The following KLHL14 variants were observed in gnomAD, a reference collection of about 807,000 sequenced individuals.
The protein encoded by KLHL14 is kelch like family member 14.
Under a neutral mutation model 64.3 loss-of-function variants are expected in KLHL14, and 22 were observed. That is an observed-to-expected ratio of 0.34 (90% confidence interval 0.24 to 0.49). The LOEUF (loss-of-function observed/expected upper bound fraction) is 0.49, where lower values mean the gene tolerates loss of function less well. KLHL14 is among the 20% of genes least tolerant of loss of function. The pLI, the probability that KLHL14 is intolerant of heterozygous loss-of-function variation, is 0.99. For synonymous variants in KLHL14, 322 were observed against 333.4 expected (o/e 0.97, Z 0.37); for missense variants, 661 against 789.0 (o/e 0.84, Z 1.94).
chr18:32,675,717 A>G (rs1156327672), intron 8 of KLHL14, among the ~76,000 whole-genome samples: 2 of 152,146 alleles, frequency 1.3e-5, no homozygotes, highest in Non-Finnish European at 2.9e-5. Context: ...TTATCATAGG[A>G]AAAAAACGAA....
intron 2 of KLHL14, among the ~76,000 whole-genome samples, chr18:32,748,297 C>T (rs1015947648): frequency 6.6e-6 from 1 of 152,194 alleles, no homozygotes; most frequent in African/African-American, 2.4e-5. Context: ...TCATTGCAAC[C>T]TCTGCCTCCC....
intron 2 of KLHL14, among the ~76,000 whole-genome samples, chr18:32,765,523 G>T (rs1397488372): frequency 6.6e-6 from 1 of 152,092 alleles, no homozygotes; most frequent in African/African-American, 2.4e-5. Flanking sequence ...ATTCTGAATG[G>T]TTGAATAATT....
At chr18:32,743,184 C>CG (rs1213699708) in intron 2 of KLHL14, 1 of 152,160 alleles carries the variant, frequency 6.6e-6, no homozygotes, top group African/African-American at 2.4e-5. Flanking sequence ...GTGGAAGAAA[C>CG]GGAACAACAA....
chr18:32,741,830 A>C, intron 3 of KLHL14, 98 bp downstream of exon 3: 1 of 1,292,048 alleles, frequency 7.7e-7, no homozygotes, highest in Non-Finnish European at 1.0e-6. Flanking sequence ...CAAATCAATA[A>C]AATGTCTAAT....
intron 7 of KLHL14, among the ~76,000 whole-genome samples, chr18:32,678,854 T>C (rs2049823991): frequency 6.6e-6 from 1 of 152,188 alleles, no homozygotes; most frequent in Non-Finnish European, 1.5e-5. Flanking sequence ...ATTTCTCATT[T>C]AGATTGTCAT....
At chr18:32,717,082 G>A (rs376489406) in intron 3 of KLHL14, among the ~76,000 whole-genome samples, 2 of 152,192 alleles carry the variant, frequency 1.3e-5, no homozygotes, top group Non-Finnish European at 2.9e-5. Flanking sequence ...AAAACCTCTG[G>A]TCAACCTGGT....
Position 32,690,755 on chromosome 18 carries a change from G to A in KLHL14, c.1160-3522C>T, listed in dbSNP as rs140082108. Among the ~76,000 whole-genome samples the A allele has an allele frequency of 4.2e-3, 645 of 152,124 alleles. 4 individuals carry two copies. Among genetic ancestry groups the A allele is most frequent in the Middle Eastern group, 0.01 (3 of 294 alleles). Reference sequence around the variant, plus strand: ...ACAAAACAAAACAAAATAAAACAGCGCTAGGTTTTGATTAGAAAAGAAGTT... The same window carrying A: ...ACAAAACAAAACAAAATAAAACAGCACTAGGTTTTGATTAGAAAAGAAGTT... On this transcript the variant is annotated intron_variant, in intron 4 of 8. Coordinates refer to ENST00000359358, the MANE Select transcript of KLHL14 (RefSeq NM_020805.3).
At chr18:32,762,080 G>C (rs1289395135) in intron 2 of KLHL14, among the ~76,000 whole-genome samples, 1 of 151,642 alleles carries the variant, frequency 6.6e-6, no homozygotes, top group Non-Finnish European at 1.5e-5. Flanking sequence ...GCATTACCTA[G>C]CACAACAATG....
chr18:32,720,436 A>G (rs1281176950), intron 3 of KLHL14, among the ~76,000 whole-genome samples: 1 of 152,162 alleles, frequency 6.6e-6, no homozygotes, highest in African/African-American at 2.4e-5. Flanking sequence ...TATTTCTCCC[A>G]ACAGAGAACA....
In KLHL14 at chr18:32,737,471, T is replaced by C. The variant is rs1174749624; in HGVS notation, c.1069+4457A>G. 2.6e-5 allele frequency: 4 copies of C among 152,198 alleles called. 1 individual carries two copies. The highest frequency in any genetic ancestry group is 1.3e-4 in the Admixed American group (2 of 15,260). 9.4% of individuals were successfully genotyped at this position (152,198 alleles called of 1,614,324 possible). On this transcript the variant is annotated intron_variant, in intron 3 of 8. Transcript: ENST00000359358. The stretch of plus-strand genomic sequence containing the variant: ...TAATCAACAACTAAACCATTCTGCA[T>C]TGCTTGGCTATTGAATATGATCAAA...
At chr18:32,703,014 A>G (rs12455936) in intron 3 of KLHL14, among the ~76,000 whole-genome samples, 3,916 of 152,278 alleles carry the variant, frequency 0.026, 92 homozygotes, top group South Asian at 0.039. Context: ...GGATCGTTTC[A>G]TCACTCCCTC....
intron 3 of KLHL14, among the ~76,000 whole-genome samples, chr18:32,710,002 A>G (rs2050010792): frequency 6.6e-6 from 1 of 152,228 alleles, no homozygotes; most frequent in African/African-American, 2.4e-5. Context: ...AATGGAAGAC[A>G]GTATATTGTC....
At chr18:32,685,834 A>G (rs1457178939) in intron 5 of KLHL14, among the ~76,000 whole-genome samples, 3 of 152,110 alleles carry the variant, frequency 2.0e-5, no homozygotes, top group Admixed American at 6.6e-5. Flanking sequence ...CAATAAGTAC[A>G]TTTTTGAATA....
Position 32,770,961 on chromosome 18 carries a change from A to C in KLHL14, c.-43-327T>G, listed in dbSNP as rs1269917008. On this transcript the variant is annotated intron_variant, in intron 1 of 8. Coordinates refer to ENST00000359358, the MANE Select transcript of KLHL14 (RefSeq NM_020805.3). The surrounding 1 kb of genome is among the most constrained non-coding windows in gnomAD (Gnocchi z 6.7). ...CAGCTCGGCTGTTGGCAGCAACAGC[A>C]GTGGCAGCAGCGACGGCAAAGTGGC... 9 of 443,610 alleles carry C rather than the reference A, an allele frequency of 2.0e-5. No homozygotes were observed. Among genetic ancestry groups the C allele is most frequent in the South Asian group, 5.0e-5 (3 of 60,376 alleles). 27.5% of individuals were successfully genotyped at this position (443,610 alleles called of 1,614,324 possible).
At chr18:32,685,541 G>T (rs1187377161) in intron 5 of KLHL14, among the ~76,000 whole-genome samples, 2 of 152,174 alleles carry the variant, frequency 1.3e-5, no homozygotes. Flanking sequence ...CAGCAACCAG[G>T]AAGTAACCTC....
intron 3 of KLHL14, among the ~76,000 whole-genome samples, chr18:32,724,673 G>A (rs1429994941): frequency 1.3e-5 from 2 of 152,184 alleles, no homozygotes; most frequent in Non-Finnish European, 2.9e-5. Context: ...CTTGTGTATA[G>A]AAGTTCTTCG....
intron 4 of KLHL14, among the ~76,000 whole-genome samples, chr18:32,692,237 T>C (rs1015270389): frequency 6.6e-6 from 1 of 152,148 alleles, no homozygotes; most frequent in Non-Finnish European, 1.5e-5. Flanking sequence ...TCAATAGATA[T>C]AATTATATTT....
At chr18:32,693,647 C>T (rs943671021) in intron 4 of KLHL14, among the ~76,000 whole-genome samples, 2 of 152,112 alleles carry the variant, frequency 1.3e-5, no homozygotes, top group African/African-American at 4.8e-5. Context: ...TCCTCTGGGG[C>T]TTCATAGAGA....
At chr18:32,762,108 A>T (rs2050317594) in intron 2 of KLHL14, among the ~76,000 whole-genome samples, 1 of 152,162 alleles carries the variant, frequency 6.6e-6, no homozygotes, top group African/African-American at 2.4e-5. Context: ...AAAAAAAACA[A>T]CAAAAAATCT....
Sources: allele counts gnomAD v4.1 joint callset (sites outside exome capture counted in the v4.1 genomes callset), GRCh38; gene constraint gnomAD v4.1.1; non-coding constraint Gnocchi (gnomAD v3.1); transcripts MANE v1.5; gene names NCBI Gene and HGNC (gene_info 2026-07-23, HGNC 2026-07-21).